IGSF22: variants seen among roughly 807,000 people sequenced by gnomAD.
IGSF22 encodes immunoglobulin superfamily, member 22.
A neutral mutation model predicts 127.0 loss-of-function variants in IGSF22; 119 were observed. The observed-to-expected ratio is 0.94, with a 90% CI of 0.81 to 1.09. IGSF22 has a LOEUF of 1.09. IGSF22 is among the 50% of genes least tolerant of loss of function. The probability of loss-of-function intolerance (pLI) is 0.00; values close to 1 mark genes in which losing one functional copy is unlikely to be tolerated. For missense variants in IGSF22, 1,518 were observed against 1,716.6 expected (o/e 0.88, Z 2.04); for synonymous variants, 568 against 664.7 (o/e 0.85, Z 2.24).
At chr11:18,711,306 C>A (rs562111188) in intron 15 of IGSF22, among the ~76,000 whole-genome samples, 38 of 152,174 alleles carry the variant, frequency 2.5e-4, no homozygotes, top group African/African-American at 9.2e-4. Context: ...TACAGTGTGA[C>A]CCCCAATCCC....
chr11:18,705,755 C>T (rs1848212407), intron 22 of IGSF22, 62 bp downstream of exon 22: 4 of 1,419,092 alleles, frequency 2.8e-6, no homozygotes, highest in Non-Finnish European at 3.8e-6. Flanking sequence ...GACCAATGGC[C>T]CACAAGACCA....
chr11:18,710,771 G>A lies in IGSF22; in HGVS notation c.2456C>T (p.Thr819Ile), dbSNP rs369729180. 4 of 1,614,060 alleles carry A rather than the reference G, an allele frequency of 2.5e-6. No individual in the cohort carries two copies. Among genetic ancestry groups the A allele is most frequent in the African/African-American group, 1.3e-5 (1 of 74,942 alleles). ...QVTDVTKEAV[T>I]ITWNAPTQDG... Reference sequence around the variant, plus strand: ...CTGGGTAGGGGCATTCCACGTGATGGTCACGGCTTCTTTAGTCACATCAGT... The same window carrying A: ...CTGGGTAGGGGCATTCCACGTGATGATCACGGCTTCTTTAGTCACATCAGT... The change falls in exon 16 of 23, where the codon ACC (threonine) becomes ATC (isoleucine). Residue 819 changes from threonine to isoleucine, a missense_variant. By Grantham distance (89) the Thr-to-Ile change is moderately conservative. Transcript: ENST00000513874.
chr11:18,709,100 T>G lies in IGSF22; in HGVS notation c.2998+287A>C, dbSNP rs956207631. 1.3e-5 allele frequency among the ~76,000 whole-genome samples: 2 copies of G among 152,228 alleles called. No individual in the cohort carries two copies. Among genetic ancestry groups the G allele is most frequent in the African/African-American group, 4.8e-5 (2 of 41,452 alleles). On this transcript the variant is annotated intron_variant, in intron 18 of 22. Transcript: ENST00000513874. The surrounding 1 kb of genome is among the most constrained non-coding windows in gnomAD (Gnocchi z 4.8). ...CTGGCCTTGTGTCCATTAAACTCTT[T>G]GTTGCAATGCTGTGGTCTCAGTGAA...
chr11:18,717,624 T>C (rs4264133), intron 9 of IGSF22, among the ~76,000 whole-genome samples: 138,177 of 152,152 alleles, frequency 0.91, 62,851 homozygotes, highest in East Asian at 0.95. Flanking sequence ...TCTTGAACTT[T>C]TGGTGTCAAA....
At position 18,704,364 on chromosome 11, in the gene IGSF22, A is replaced by G; in HGVS notation, c.*104T>C. ...CCCTTCACTGAATGTTTACATTAACAAACACCAGAGAGCAAACTGGGCTTC... is the reference window on the plus strand; with the variant it reads ...CCCTTCACTGAATGTTTACATTAACGAACACCAGAGAGCAAACTGGGCTTC... On this transcript the variant is annotated 3_prime_UTR_variant, in exon 23 of 23. Coordinates refer to ENST00000513874, the MANE Select transcript of IGSF22 (RefSeq NM_173588.4). 1.3e-6 allele frequency: 1 copy of G among 751,652 alleles called. No individual in the cohort carries two copies. The highest frequency in any genetic ancestry group is 2.3e-6 in the Non-Finnish European group (1 of 429,096). 46.6% of individuals were successfully genotyped at this position (751,652 alleles called of 1,614,324 possible).
At position 18,721,680 on chromosome 11, in the gene IGSF22, A is replaced by C. The variant is rs1193914125; in HGVS notation, c.242-9T>G. ...GAACACGGCTTTGTCCCCTGCGATG[A>C]GCACAGGACGCGTTTTCGCCTCTTA... is the stretch of plus-strand genomic sequence containing the variant. On this transcript the variant is annotated splice_polypyrimidine_tract_variant and intron_variant, in intron 3 of 22. Transcript: ENST00000513874. 5 of 1,613,968 alleles carry C rather than the reference A, an allele frequency of 3.1e-6. No homozygotes were observed. The highest frequency in any genetic ancestry group is 4.2e-6 in the Non-Finnish European group (5 of 1,180,018).
At chr11:18,718,968 G>T (rs1429324739) in intron 7 of IGSF22, among the ~76,000 whole-genome samples, 1 of 152,192 alleles carries the variant, frequency 6.6e-6, no homozygotes, top group East Asian at 1.9e-4. Context: ...CCATTATATA[G>T]ATTCCCTAAT....
Position 18,720,219 on chromosome 11 carries a change from C to T in IGSF22, c.445G>A (p.Ala149Thr). 3 of 1,614,196 alleles carry T rather than the reference C, an allele frequency of 1.9e-6. No individual in the cohort carries two copies. Among genetic ancestry groups the T allele is most frequent in the East Asian group, 2.2e-5 (1 of 44,884 alleles). The change falls in exon 5 of 23, where the codon GCC (alanine) becomes ACC (threonine). Residue 149 changes from alanine (A) to threonine (T), a missense_variant. Physicochemically the swap from Ala to Thr is moderately conservative, Grantham distance 58 (BLOSUM62 0). Transcript: ENST00000513874. ...ACCAGCAGAGATACGGTATAGATGGCATCTGCATGGTCATTGCTTGCAATG... is the reference window on the plus strand; with the variant it reads ...ACCAGCAGAGATACGGTATAGATGGTATCTGCATGGTCATTGCTTGCAATG... ...KCIASNDHAD[A>T]IYTVSLLVTE...
chr11:18,721,614 C>G lies in IGSF22; in HGVS notation c.299G>C (p.Trp100Ser), dbSNP rs780522086. The change falls in exon 4 of 23, where the codon TGG (tryptophan) becomes TCG (serine). Residue 100 changes from tryptophan to serine, a missense_variant. Around this residue, in one of 3 missense-constraint regions of IGSF22, gnomAD observed 1,456 missense variants for 1,644.9 expected, o/e 0.89. Transcript: ENST00000513874. ...GATGGGGATGCCGCTCTCCCTCTTC[C>G]AGGAGATGTGGGGTTTGGCGTTCCC... ...VQGNAKPHIS[W>S]KRESGIPIKE... The G allele has an allele frequency of 2.5e-6, 4 of 1,614,262 alleles. No homozygotes were observed. Among genetic ancestry groups the G allele is most frequent in the Non-Finnish European group, 3.4e-6 (4 of 1,180,042 alleles).
At chr11:18,711,165 C>CA (rs1310173263) in intron 15 of IGSF22, among the ~76,000 whole-genome samples, 2 of 152,054 alleles carry the variant, frequency 1.3e-5, no homozygotes, top group African/African-American at 4.8e-5. Context: ...CCACTGACAA[C>CA]AACTAGTGTC....
At chr11:18,708,155 C>G in intron 19 of IGSF22, 52 bp downstream of exon 19, 1 of 1,531,496 alleles carries the variant, frequency 6.5e-7, no homozygotes, top group Non-Finnish European at 8.9e-7. Flanking sequence ...GCTACAATAG[C>G]CATCTTGGTT....
At chr11:18,721,885 C>T in intron 3 of IGSF22, 25 bp downstream of exon 3, 2 of 1,610,842 alleles carry the variant, frequency 1.2e-6, no homozygotes, top group East Asian at 2.2e-5. Flanking sequence ...CACTGGAGCC[C>T]GGTGAGCCAC....
At chr11:18,719,594 G>A (rs765544273) in intron 7 of IGSF22, 122 bp downstream of exon 7, 268 of 908,140 alleles carry the variant, frequency 3.0e-4, no homozygotes, top group Non-Finnish European at 4.1e-4. Context: ...TGGAGAGTAC[G>A]CCTCTGAGTA....
At chr11:18,724,841 A>T (rs752247535) in intron 1 of IGSF22, among the ~76,000 whole-genome samples, 23 of 152,178 alleles carry the variant, frequency 1.5e-4, no homozygotes, top group Non-Finnish European at 2.8e-4. Flanking sequence ...ATTCAATCAC[A>T]TAGTTAAAGA....
intron 4 of IGSF22, among the ~76,000 whole-genome samples, chr11:18,720,686 A>G (rs1281251637): frequency 6.6e-6 from 1 of 152,184 alleles, no homozygotes; most frequent in East Asian, 1.9e-4. Context: ...AGTAAGGCTG[A>G]CTTGATGCCC....
chr11:18,706,065 G>A lies in IGSF22; in HGVS notation c.3662C>T (p.Pro1221Leu). 6.4e-7 allele frequency: 1 copy of A among 1,550,766 alleles called. No homozygotes were observed. Among genetic ancestry groups the A allele is most frequent in the Non-Finnish European group, 8.7e-7 (1 of 1,146,918 alleles). ...GTCCTGGCCGCGGAGCACCGTGTGT[G>A]GCTTGAGGGGCGTCACGAAGCGCGG... is the stretch of plus-strand genomic sequence containing the variant. ...HAPRFVTPLKPHTVLRGQDCT... is the reference protein window; with the variant it reads ...HAPRFVTPLKLHTVLRGQDCT... Residue 1221 changes from proline to leucine, a missense_variant, in exon 22 of 23, where the codon CCA (proline) becomes CTA (leucine). Pro to Leu is a moderately conservative substitution (Grantham distance 98, BLOSUM62 -3). Transcript: ENST00000513874.
At chr11:18,710,197 T>C in intron 17 of IGSF22, 130 bp downstream of exon 17, 1 of 1,203,156 alleles carries the variant, frequency 8.3e-7, no homozygotes, top group African/African-American at 1.5e-5. Context: ...TGTCCCTCTA[T>C]GAGGCTGGCA....
chr11:18,715,351 A>G, intron 11 of IGSF22, 81 bp downstream of exon 11: 1 of 1,424,872 alleles, frequency 7.0e-7, no homozygotes. Context: ...AGTTAGTGGG[A>G]GGGGGGCAAT....
In IGSF22 at chr11:18,717,989, A is replaced by G; in HGVS notation, c.915T>C (p.Ala305=). Residue 305 remains alanine, a synonymous_variant, in exon 9 of 23, where the codon GCT becomes GCC. Transcript: ENST00000513874. ...LVISNVNMND[A]GIYSLSVGDK... ...CGCCCACGGACAGGCTGTAGATGCC[A>G]GCATCGTTCATGTTCACGTTGCTAA... 1 of 1,614,208 alleles carries G rather than the reference A, an allele frequency of 6.2e-7. No individual in the cohort carries two copies. The highest frequency in any genetic ancestry group is 8.5e-7 in the Non-Finnish European group (1 of 1,180,038).
Sources: gnomAD v4.1 joint callset for allele counts (sites outside exome capture counted in the v4.1 genomes callset) on GRCh38, gnomAD v4.1.1 for gene constraint, gnomAD v4.1.1 regional missense constraint, Gnocchi (gnomAD v3.1) non-coding constraint, MANE v1.5 for transcripts, NCBI Gene and HGNC (gene_info 2026-07-23, HGNC 2026-07-21) for gene names.